The following CNTNAP2 variants were observed in gnomAD, a reference collection of about 807,000 sequenced individuals.
The protein encoded by CNTNAP2 is contactin-associated protein-like 2.
CNTNAP2 carries 98 observed loss-of-function variants against 155.2 expected under a neutral mutation model. That is an observed-to-expected ratio of 0.63 (90% confidence interval 0.54 to 0.75). The LOEUF (loss-of-function observed/expected upper bound fraction) is 0.75. CNTNAP2 is among the 30% of genes least tolerant of loss of function. The pLI, the probability that CNTNAP2 is intolerant of heterozygous loss-of-function variation, is 0.00. For missense variants in CNTNAP2, 1,727 were observed against 1,688.1 expected (o/e 1.02, Z -0.40); for synonymous variants, 651 against 631.2 (o/e 1.03, Z -0.47).
At chr7:147,039,588 G>A (rs747457569) in intron 3 of CNTNAP2, among the ~76,000 whole-genome samples, 45 of 152,028 alleles carry the variant, frequency 3.0e-4, no homozygotes, top group Non-Finnish European at 5.3e-4. Flanking sequence ...ATCCAATCTG[G>A]GTTGATTCTA....
chr7:147,591,431 C>A (rs1235687126), intron 12 of CNTNAP2, among the ~76,000 whole-genome samples: 6 of 152,066 alleles, frequency 3.9e-5, no homozygotes, highest in Non-Finnish European at 7.4e-5. Flanking sequence ...CTCATTTTAG[C>A]TTTATGTCCT....
intron 13 of CNTNAP2, among the ~76,000 whole-genome samples, chr7:147,764,106 T>A (rs1004235057): frequency 6.6e-6 from 1 of 151,996 alleles, no homozygotes; most frequent in Non-Finnish European, 1.5e-5. Flanking sequence ...CAAATCTCTA[T>A]CTCGTGTATT....
chr7:148,061,113 G>C (rs1378717087), intron 15 of CNTNAP2, among the ~76,000 whole-genome samples: 1 of 152,060 alleles, frequency 6.6e-6, no homozygotes, highest in African/African-American at 2.4e-5. Flanking sequence ...ATTGATCAAA[G>C]ACATTAATGA....
At chr7:147,651,355 A>T (rs1795447323) in intron 13 of CNTNAP2, among the ~76,000 whole-genome samples, 1 of 152,242 alleles carries the variant, frequency 6.6e-6, no homozygotes, top group Non-Finnish European at 1.5e-5. Context: ...ATGCTCTTTT[A>T]CTTAAACTGT....
chr7:148,274,541 T>G (rs1456278026), intron 21 of CNTNAP2, among the ~76,000 whole-genome samples: 5 of 152,222 alleles, frequency 3.3e-5, no homozygotes, highest in Non-Finnish European at 5.9e-5. Context: ...GAGCTCTCAC[T>G]CTGAGTTCAC....
chr7:148,242,334 G>A (rs1034877759), intron 20 of CNTNAP2, among the ~76,000 whole-genome samples: 2 of 152,200 alleles, frequency 1.3e-5, no homozygotes, highest in South Asian at 2.1e-4. Flanking sequence ...CATGCGGTTT[G>A]AGGTTCTGAA....
chr7:148,294,422 T>C (rs920468463), intron 21 of CNTNAP2, among the ~76,000 whole-genome samples: 12 of 152,250 alleles, frequency 7.9e-5, no homozygotes, highest in African/African-American at 2.9e-4. Flanking sequence ...CACTTTCTAG[T>C]TATCAGTTTT....
chr7:146,323,078 T>A (rs1165161565), intron 1 of CNTNAP2, among the ~76,000 whole-genome samples: 1 of 152,118 alleles, frequency 6.6e-6, no homozygotes, highest in East Asian at 1.9e-4. Context: ...GAAAATTACC[T>A]ATATGTGACC....
chr7:146,710,738 T>G (rs935767913), intron 1 of CNTNAP2, among the ~76,000 whole-genome samples: 1 of 152,172 alleles, frequency 6.6e-6, no homozygotes, highest in Non-Finnish European at 1.5e-5. Context: ...CAGTGGCCAC[T>G]GTGACTGCTT....
intron 3 of CNTNAP2, among the ~76,000 whole-genome samples, chr7:146,932,614 G>T (rs973485157): frequency 2.0e-5 from 3 of 152,110 alleles, no homozygotes; most frequent in Admixed American, 6.6e-5. Flanking sequence ...AGGAAATAAA[G>T]GGTATTCAAT....
intron 12 of CNTNAP2, among the ~76,000 whole-genome samples, chr7:147,607,033 A>G (rs1801081908): frequency 1.3e-5 from 2 of 152,140 alleles, no homozygotes; most frequent in African/African-American, 4.8e-5. Flanking sequence ...TAACTGTGCT[A>G]TCTTCAAGGT....
At chr7:146,836,980 AC>A (rs1803630398) in intron 2 of CNTNAP2, among the ~76,000 whole-genome samples, 1 of 151,942 alleles carries the variant, frequency 6.6e-6, no homozygotes, top group Non-Finnish European at 1.5e-5. Context: ...AGAAGTTGTA[AC>A]CCTCTGAATA....
chr7:148,144,588 C>T (rs73168602), intron 16 of CNTNAP2, among the ~76,000 whole-genome samples: 103 of 152,308 alleles, frequency 6.8e-4, no homozygotes, highest in Non-Finnish European at 1.3e-3. Context: ...ACTTGTTAGC[C>T]TGCAAGTGGG....
At chr7:147,551,881 A>G (rs1184071863) in intron 11 of CNTNAP2, among the ~76,000 whole-genome samples, 1 of 152,182 alleles carries the variant, frequency 6.6e-6, no homozygotes, top group Non-Finnish European at 1.5e-5. Flanking sequence ...TCAATACTTA[A>G]ATAATGGACA....
At chr7:147,301,592 CTGTGTGTGTGTGTGTG>C (rs10585570) in intron 9 of CNTNAP2, among the ~76,000 whole-genome samples, 1,079 of 101,868 alleles carry the variant, frequency 0.011, 26 homozygotes, top group African/African-American at 0.034. Flanking sequence ...CTCTCTCTCT[CTGTGTGTGTGTGTGTG>C]TGTGTGTGTG....
chr7:146,273,188 A>G (rs1454145026), intron 1 of CNTNAP2, among the ~76,000 whole-genome samples: 2 of 151,172 alleles, frequency 1.3e-5, no homozygotes, highest in African/African-American at 4.9e-5. Context: ...TGGGAAATGT[A>G]TTTTTAGTAT....
chr7:146,156,909 A>G lies in CNTNAP2; in HGVS notation c.97+39936A>G, dbSNP rs551581932. 2.6e-5 allele frequency among the ~76,000 whole-genome samples: 4 copies of G among 152,330 alleles called. No individual in the cohort carries two copies. In the South Asian group the frequency reaches 6.2e-4, roughly 24 times the overall value. On this transcript the variant is annotated intron_variant, in intron 1 of 23. Coordinates refer to ENST00000361727, the MANE Select transcript of CNTNAP2 (RefSeq NM_014141.6). ...CAGCCACTGCGCCCAGCTGCTTTAC[A>G]GCATTTTTATAGACGCTCTTCTTTG...
At chr7:147,712,191 A>G (rs1053192041) in intron 13 of CNTNAP2, among the ~76,000 whole-genome samples, 6 of 152,148 alleles carry the variant, frequency 3.9e-5, no homozygotes, top group African/African-American at 7.2e-5. Flanking sequence ...CAAAACCACA[A>G]TGAGATACCA....
chr7:148,155,529 CT>C (rs1361842333), intron 17 of CNTNAP2, among the ~76,000 whole-genome samples: 1 of 152,114 alleles, frequency 6.6e-6, no homozygotes, highest in Non-Finnish European at 1.5e-5. Flanking sequence ...GAAAAGTAAA[CT>C]TTCACAACTT....
Sources: allele counts gnomAD v4.1 joint callset (sites outside exome capture counted in the v4.1 genomes callset), GRCh38; gene constraint gnomAD v4.1.1; transcripts MANE v1.5; gene names NCBI Gene and HGNC (gene_info 2026-07-23, HGNC 2026-07-21).